HERC2: variants seen among roughly 807,000 people sequenced by gnomAD.
HERC2 encodes E3 ubiquitin-protein ligase HERC2.
In HERC2, 102 loss-of-function variants were observed where a neutral mutation model predicts 537.7. That is an observed-to-expected ratio of 0.19 (90% CI 0.16 to 0.22). The LOEUF (loss-of-function observed/expected upper bound fraction) is 0.22. Among genes scored for constraint, HERC2 ranks in the 10% least tolerant of loss-of-function variants. HERC2 has a pLI of 1.00. For synonymous variants in HERC2, 2,224 were observed against 2,466.2 expected (o/e 0.90, Z 2.91); for missense variants, 4,236 against 6,198.2 (o/e 0.68, Z 10.63).
intron 38 of HERC2, among the ~76,000 whole-genome samples, chr15:28,217,741 A>C (rs1900085991): frequency 6.6e-6 from 1 of 151,384 alleles, no homozygotes; most frequent in Non-Finnish European, 1.5e-5. Context: ...AAAGAAACTC[A>C]AAGAGTCCTT....
In HERC2 at chr15:28,214,693, A is replaced by G; in HGVS notation, c.6320T>C (p.Leu2107Ser). 2 of 1,612,082 alleles carry G rather than the reference A, an allele frequency of 1.2e-6. No homozygotes were observed. The highest frequency in any genetic ancestry group is 1.7e-6 in the Non-Finnish European group (2 of 1,179,864). Residue 2107 changes from leucine to serine, a missense_variant, in exon 40 of 93, where the codon TTG becomes TCG. Transcript: ENST00000261609. Reference sequence around the variant, plus strand: ...CACGTCAGAGGAGCAGGTAGTGAGCAAGCTTCCCAAGAAGTCAAACAGCTT... The same window carrying G: ...CACGTCAGAGGAGCAGGTAGTGAGCGAGCTTCCCAAGAAGTCAAACAGCTT... The part of the protein sequence containing the change: ...VEKLFDFLGS[L>S]LTTCSSDVPL...
intron 23 of HERC2, among the ~76,000 whole-genome samples, chr15:28,242,981 T>A (rs1427548777): frequency 2.6e-5 from 4 of 152,212 alleles, no homozygotes; most frequent in African/African-American, 9.6e-5. Flanking sequence ...GCTTTTTCTC[T>A]GCTACTAAGA....
At chr15:28,119,059 G>A in intron 86 of HERC2, among the ~76,000 whole-genome samples, 1 of 152,098 alleles carries the variant, frequency 6.6e-6, no homozygotes, top group Non-Finnish European at 1.5e-5. Flanking sequence ...CCTGAGGTCA[G>A]GAGTTCAGGA....
intron 89 of HERC2, 25 bp from the exon 90 acceptor site, chr15:28,114,827 A>G: frequency 1.2e-6 from 2 of 1,604,392 alleles, no homozygotes; most frequent in Non-Finnish European, 1.7e-6. Flanking sequence ...AAGAAAGCCC[A>G]TGTGTCGACT....
chr15:28,315,202 T>G (rs2077049356), intron 2 of HERC2, among the ~76,000 whole-genome samples: 1 of 152,148 alleles, frequency 6.6e-6, no homozygotes, highest in South Asian at 2.1e-4. Flanking sequence ...AGGGGAGGAA[T>G]AAAAACACTG....
intron 16 of HERC2, among the ~76,000 whole-genome samples, chr15:28,258,151 T>G (rs1273913039): frequency 6.6e-6 from 1 of 152,006 alleles, no homozygotes; most frequent in Non-Finnish European, 1.5e-5. Flanking sequence ...TACAAACACT[T>G]CAAAATTAAA....
intron 4 of HERC2, among the ~76,000 whole-genome samples, chr15:28,281,563 G>A (rs1020267967): frequency 6.6e-6 from 1 of 152,208 alleles, no homozygotes; most frequent in Non-Finnish European, 1.5e-5. Context: ...CACGGGACAG[G>A]AGGGCCTTAG....
At chr15:28,283,551 T>C (rs552254421) in intron 4 of HERC2, among the ~76,000 whole-genome samples, 1 of 152,336 alleles carries the variant, frequency 6.6e-6, no homozygotes, top group East Asian at 1.9e-4. Flanking sequence ...GAAAGGCTAA[T>C]GGAAGTTCTC....
At chr15:28,302,945 C>T (rs1220943158) in intron 2 of HERC2, among the ~76,000 whole-genome samples, 1 of 151,548 alleles carries the variant, frequency 6.6e-6, no homozygotes, top group African/African-American at 2.4e-5. Flanking sequence ...TATTTTCTCC[C>T]ATTCTGTGGG....
Position 28,248,613 on chromosome 15 carries a change from T to C in HERC2, c.3174A>G (p.Gln1058=), listed in dbSNP as rs562768709. 14 of 1,614,084 alleles carry C rather than the reference T, an allele frequency of 8.7e-6. No homozygotes were observed. In the South Asian group the frequency reaches 1.2e-4, roughly 14 times the overall value. ...SASLDLLLRF[Q]RLLISKLYPG... ...GATAAAGTTTACTAATAAGCAAACG[T>C]TGAAAACGCAGTAACAAATCCAATG... The change falls in exon 21 of 93, where the codon CAA becomes CAG. Residue 1058 remains glutamine (Q), a synonymous_variant. Coordinates refer to ENST00000261609, the MANE Select transcript of HERC2 (RefSeq NM_004667.6).
At chr15:28,248,426 C>A in intron 21 of HERC2, 126 bp downstream of exon 21, 3 of 612,378 alleles carry the variant, frequency 4.9e-6, no homozygotes, top group South Asian at 2.6e-5. Context: ...AAAATGAAGC[C>A]CCAAAATTGG....
At chr15:28,193,878 T>C (rs1897083783) in intron 52 of HERC2, among the ~76,000 whole-genome samples, 1 of 152,086 alleles carries the variant, frequency 6.6e-6, no homozygotes, top group Non-Finnish European at 1.5e-5. Flanking sequence ...AATAGACAAT[T>C]TGTAACCCAC....
rs573647501 is a variant in HERC2 at position 28,228,353 on chromosome 15, G to A, written c.5329C>T (p.Leu1777=). 1.2e-6 allele frequency: 2 copies of A among 1,612,148 alleles called. No homozygotes were observed. The highest frequency in any genetic ancestry group is 1.3e-5 in the African/African-American group (1 of 74,996). ...ITNENPSGPS[L]GTIPQARFLL... is the part of the protein sequence containing the mutation. ...AAGCGGGCTTGCGGGATGGTCCCCA[G>A]GCTCGGTCCTGACGGGTTCTCATTG... Residue 1777 remains leucine (L), a synonymous_variant, in exon 35 of 93, where the codon CTG becomes TTG. Transcript: ENST00000261609.
Position 28,111,751 on chromosome 15 carries a change from C to T in HERC2, c.*12G>A, listed in dbSNP as rs781307981. On this transcript the variant is annotated 3_prime_UTR_variant, in exon 93 of 93. Transcript: ENST00000261609. ...GGCTCAGGCTCTCATCTCACGAGGA[C>T]GTTTCCCCATCTTAGTGTCCTGTTA... The T allele has an allele frequency of 2.9e-5, 47 of 1,611,440 alleles. No individual in the cohort carries two copies. Among genetic ancestry groups the T allele is most frequent in the Non-Finnish European group, 3.4e-5 (40 of 1,177,736 alleles).
At chr15:28,254,266 A>G (rs2075181163) in intron 20 of HERC2, 74 bp downstream of exon 20, 3 of 1,090,818 alleles carry the variant, frequency 2.8e-6, no homozygotes, top group African/African-American at 3.3e-5. Context: ...CTGGGCAACA[A>G]GAGCGAACTC....
intron 71 of HERC2, among the ~76,000 whole-genome samples, chr15:28,145,260 G>A (rs376877594): frequency 2.6e-5 from 4 of 152,234 alleles, no homozygotes; most frequent in African/African-American, 4.8e-5. Flanking sequence ...GGTTCAGCAC[G>A]GCCCAGAGTA....
intron 15 of HERC2, among the ~76,000 whole-genome samples, chr15:28,261,242 A>T (rs544718950): frequency 6.6e-6 from 1 of 152,180 alleles, no homozygotes; most frequent in Admixed American, 6.5e-5. Flanking sequence ...CTCCTCATTC[A>T]GATTTTCAGT....
At position 28,238,136 on chromosome 15, in the gene HERC2, A is replaced by T. The variant is rs1252677004; in HGVS notation, c.3830T>A (p.Phe1277Tyr). ...FEDTRESMHA[F>Y]CVGQYLEPDQ... ...CACCTCCAAATACTGGCCAACACAA[A>T]ACGCGTGCATGGATTCCCGGGTGTC... Residue 1277 changes from phenylalanine (F) to tyrosine (Y), a missense_variant, in exon 25 of 93, where the codon TTT becomes TAT. Phe to Tyr is a conservative substitution (Grantham distance 22). Around this residue, in one of 27 missense-constraint regions of HERC2, gnomAD observed 754 missense variants for 1,085.0 expected, o/e 0.69. Transcript: ENST00000261609. The T allele has an allele frequency of 6.2e-7, 1 of 1,611,624 alleles. No homozygotes were observed. The highest frequency in any genetic ancestry group is 8.5e-7 in the Non-Finnish European group (1 of 1,179,690).
intron 23 of HERC2, among the ~76,000 whole-genome samples, chr15:28,243,989 A>C (rs994125188): frequency 1.3e-5 from 2 of 152,200 alleles, no homozygotes; most frequent in Non-Finnish European, 2.9e-5. Flanking sequence ...CAGCCTGGGC[A>C]ACAGAGGGAG....
Sources: allele counts gnomAD v4.1 joint callset (sites outside exome capture counted in the v4.1 genomes callset), GRCh38; gene constraint gnomAD v4.1.1; regional missense constraint gnomAD v4.1.1; transcripts MANE v1.5; gene names NCBI Gene and HGNC (gene_info 2026-07-23, HGNC 2026-07-21).